The following ARHGEF38 variants were observed in gnomAD, a reference collection of about 807,000 sequenced individuals.
ARHGEF38 encodes Rho guanine nucleotide exchange factor (GEF) 38.
ARHGEF38 carries 79 observed loss-of-function variants against 79.9 expected under a neutral mutation model. The observed-to-expected ratio is 0.99, with a 90% CI of 0.82 to 1.19. The LOEUF is 1.19. Among genes scored for constraint, ARHGEF38 ranks in the 50% most tolerant of loss-of-function variants. ARHGEF38 has a pLI of 0.00. For missense variants in ARHGEF38, 962 were observed against 907.2 expected, an observed-to-expected ratio of 1.06 and a Z score of -0.78; for synonymous variants, 366 against 328.3, an observed-to-expected ratio of 1.11 and a Z score of -1.24.
At chr4:105,617,620 G>A (rs896666814) in intron 3 of ARHGEF38, among the ~76,000 whole-genome samples, 5 of 152,102 alleles carry the variant, frequency 3.3e-5, no homozygotes, top group African/African-American at 9.7e-5. Context: ...TGTAAACAAG[G>A]CCTCTGAAAT....
At chr4:105,561,228 G>GAAAAC (rs1006980126) in intron 1 of ARHGEF38, among the ~76,000 whole-genome samples, 11 of 151,442 alleles carry the variant, frequency 7.3e-5, no homozygotes, top group South Asian at 2.1e-4. Flanking sequence ...TCTCTACTAA[G>GAAAAC]AAAACAAAAC....
intron 1 of ARHGEF38, among the ~76,000 whole-genome samples, chr4:105,558,775 T>G (rs1401044695): frequency 1.3e-5 from 2 of 152,016 alleles, no homozygotes; most frequent in Non-Finnish European, 2.9e-5. Flanking sequence ...TGACTTTAGG[T>G]ATAACTTTCT....
intron 5 of ARHGEF38, 80 bp from the exon 6 acceptor site, chr4:105,645,108 A>C (rs1729781108): frequency 2.0e-6 from 2 of 1,023,750 alleles, no homozygotes; most frequent in Admixed American, 7.6e-5. Flanking sequence ...TTTTAGAAGT[A>C]ATCATAAAAA....
Position 105,582,836 on chromosome 4 carries a change from A to C in ARHGEF38, c.197-6412A>C, listed in dbSNP as rs182416763. 4.5e-3 allele frequency among the ~76,000 whole-genome samples: 691 copies of C among 152,322 alleles called. 3 individuals carry two copies. The highest frequency in any genetic ancestry group is 0.016 in the African/African-American group (677 of 41,580). ...GTTTTGAAATCATGTTATTTAGTAC[A>C]TACAGAATTAGAATTTTCATATCTT... On this transcript the variant is annotated intron_variant, in intron 1 of 13. Coordinates refer to ENST00000420470, the MANE Select transcript of ARHGEF38 (RefSeq NM_001242729.2).
At position 105,655,877 on chromosome 4, in the gene ARHGEF38, C is replaced by A. The variant is rs147104768; in HGVS notation, c.1233+155C>A. 8.6e-4 allele frequency among the ~76,000 whole-genome samples: 130 copies of A among 151,946 alleles called. 2 individuals carry two copies. Among genetic ancestry groups the A allele is most frequent in the African/African-American group, 3.0e-3 (124 of 41,420 alleles). On this transcript the variant is annotated intron_variant, in intron 9 of 13. Coordinates refer to ENST00000420470, the MANE Select transcript of ARHGEF38 (RefSeq NM_001242729.2). ...AGATTTAAATGGGATTTTTTTAAAT[C>A]ATTTAATATTTTTAAAGTGGATTAG...
intron 1 of ARHGEF38, among the ~76,000 whole-genome samples, chr4:105,563,696 G>A (rs1171538060): frequency 1.3e-5 from 2 of 152,038 alleles, no homozygotes; most frequent in Non-Finnish European, 2.9e-5. Flanking sequence ...CTGTTTTATG[G>A]TTTGCTCTTA....
At chr4:105,581,338 T>C (rs1426029662) in intron 1 of ARHGEF38, among the ~76,000 whole-genome samples, 1 of 152,204 alleles carries the variant, frequency 6.6e-6, no homozygotes, top group Non-Finnish European at 1.5e-5. Flanking sequence ...TCAAAAATTC[T>C]GAAAAGCTCC....
chr4:105,636,170 C>CT (rs1448125472), intron 4 of ARHGEF38, among the ~76,000 whole-genome samples: 1 of 151,938 alleles, frequency 6.6e-6, no homozygotes. Flanking sequence ...AGATAATAAA[C>CT]ACAGGATATT....
rs1278668319 is a variant in ARHGEF38, at chr4:105,655,661, A to C, written c.1172A>C (p.Lys391Thr). ...VMDLQEISYN[K>T]DDEMDYSETL... is the part of the protein sequence containing the mutation. The stretch of plus-strand genomic sequence containing the variant: ...GACCTTCAGGAGATTTCATACAACA[A>C]AGACGATGAGATGGACTATTCTGAG... The change falls in exon 9 of 14, where the codon AAA (lysine) becomes ACA (threonine). Residue 391 changes from lysine to threonine, a missense_variant. Transcript: ENST00000420470. 1 of 1,535,940 alleles carries C rather than the reference A, an allele frequency of 6.5e-7. No homozygotes were observed. The highest frequency in any genetic ancestry group is 8.7e-7 in the Non-Finnish European group (1 of 1,146,716).
intron 3 of ARHGEF38, among the ~76,000 whole-genome samples, chr4:105,622,844 T>C (rs76801620): frequency 0.024 from 3,615 of 152,232 alleles, 165 homozygotes; most frequent in African/African-American, 0.082. Flanking sequence ...ATATATCTCA[T>C]TCTATTTTGC....
chr4:105,658,298 A>G (rs537580661), intron 9 of ARHGEF38, among the ~76,000 whole-genome samples: 2 of 152,190 alleles, frequency 1.3e-5, no homozygotes, highest in East Asian at 3.9e-4. Flanking sequence ...AGTCCTAGCT[A>G]TTCGGGAGGC....
In ARHGEF38 at chr4:105,579,611, T is replaced by A. The variant is rs543361102; in HGVS notation, c.197-9637T>A. Among the ~76,000 whole-genome samples, 5 of 152,302 alleles carry A rather than the reference T, an allele frequency of 3.3e-5. No homozygotes were observed. In the South Asian group the frequency reaches 1.0e-3, roughly 32 times the overall value. ...TGATTGTGGTGAATTAGCTTTTTGA[T>A]GTGCTGCTGGATTTGATTTGCCAGT... is the stretch of plus-strand genomic sequence containing the variant. On this transcript the variant is annotated intron_variant, in intron 1 of 13. Coordinates refer to ENST00000420470, the MANE Select transcript of ARHGEF38 (RefSeq NM_001242729.2).
chr4:105,652,855 T>C (rs1012251260), intron 7 of ARHGEF38, among the ~76,000 whole-genome samples: 2 of 152,222 alleles, frequency 1.3e-5, no homozygotes, highest in Admixed American at 6.5e-5. Context: ...AAAAGCTTTG[T>C]AGATAAACAA....
chr4:105,644,452 T>C (rs1214111815), intron 5 of ARHGEF38, among the ~76,000 whole-genome samples: 1 of 152,210 alleles, frequency 6.6e-6, no homozygotes, highest in Non-Finnish European at 1.5e-5. Flanking sequence ...TTGTAGCTTC[T>C]TCCCCTCCTG....
At chr4:105,682,551 G>A (rs777729920), downstream of ARHGEF38, 6 of 542,736 alleles carry the variant, frequency 1.1e-5, no homozygotes, top group Non-Finnish European at 1.9e-5. Flanking sequence ...TAAAAATGTT[G>A]AAGATTGATT....
Position 105,620,418 on chromosome 4 carries a change from G to C in ARHGEF38, c.508+6911G>C, listed in dbSNP as rs563995789. Among the ~76,000 whole-genome samples, 11 of 152,270 alleles carry C rather than the reference G, an allele frequency of 7.2e-5. No homozygotes were observed. The South Asian group carries it at 2.3e-3, about 32-fold the overall frequency. ...TCCCATATGGTTTTTATGAAGATTT[G>C]ACAAAATTATGTGTACAGAATGATA... On this transcript the variant is annotated intron_variant, in intron 3 of 13. Transcript: ENST00000420470.
chr4:105,629,127 T>C (rs1729076523), intron 3 of ARHGEF38, among the ~76,000 whole-genome samples: 1 of 152,200 alleles, frequency 6.6e-6, no homozygotes, highest in Non-Finnish European at 1.5e-5. Context: ...TAAAAGCTAC[T>C]AAAATTTTAA....
chr4:105,664,311 C>T (rs944283182), intron 10 of ARHGEF38, among the ~76,000 whole-genome samples: 3 of 152,226 alleles, frequency 2.0e-5, no homozygotes. Flanking sequence ...CCTTCGCTCC[C>T]TTTATTCCAT....
At chr4:105,610,177 G>C (rs1728229853) in intron 2 of ARHGEF38, among the ~76,000 whole-genome samples, 1 of 152,032 alleles carries the variant, frequency 6.6e-6, no homozygotes, top group Non-Finnish European at 1.5e-5. Flanking sequence ...TGGACACAGA[G>C]AGGGGAACAA....
Sources: allele counts gnomAD v4.1 joint callset (sites outside exome capture counted in the v4.1 genomes callset), GRCh38; gene constraint gnomAD v4.1.1; transcripts MANE v1.5; gene names NCBI Gene and HGNC (gene_info 2026-07-23, HGNC 2026-07-21).